The following ME1 variants were observed in gnomAD, a reference collection of about 807,000 sequenced individuals.
ME1 encodes the protein malic enzyme 1, also known as NADP-dependent malic enzyme.
ME1 carries 74 observed loss-of-function variants against 66.4 expected under a neutral mutation model. The observed-to-expected ratio is 1.11, with a 90% CI of 0.92 to 1.35. The LOEUF is 1.35. Among genes scored for constraint, ME1 ranks in the 40% most tolerant of loss-of-function variants. The pLI, the probability that ME1 is intolerant of heterozygous loss-of-function variation, is 0.00. For missense variants in ME1, 750 were observed against 694.1 expected, an observed-to-expected ratio of 1.08 and a Z score of -0.90; for synonymous variants, 251 against 235.6, an observed-to-expected ratio of 1.07 and a Z score of -0.60.
chr6:83,358,728 C>T lies in ME1; in HGVS notation c.363-6589G>A, dbSNP rs113331114. 5.2e-3 allele frequency among the ~76,000 whole-genome samples: 798 copies of T among 152,248 alleles called. 11 individuals carry two copies. The highest frequency in any genetic ancestry group is 0.018 in the African/African-American group (745 of 41,540). On this transcript the variant is annotated intron_variant, in intron 3 of 13. Coordinates refer to ENST00000369705, the MANE Select transcript of ME1 (RefSeq NM_002395.6). ...CTTTTTTCCAGAAGGAACAGCTTCCCCATCTCCAGTAGTGGCAACATCCCC... is the reference window on the plus strand; with the variant it reads ...CTTTTTTCCAGAAGGAACAGCTTCCTCATCTCCAGTAGTGGCAACATCCCC...
Position 83,223,759 on chromosome 6 carries a change from C to A in ME1, c.1449+1G>T. 1.9e-6 allele frequency: 3 copies of A among 1,613,246 alleles called. No individual in the cohort carries two copies. Among genetic ancestry groups the A allele is most frequent in the Non-Finnish European group, 2.5e-6 (3 of 1,179,508 alleles). On this transcript the variant is annotated splice_donor_variant, in intron 12 of 13. Transcript: ENST00000369705. LOFTEE classifies it high-confidence loss of function. ...GGTAAACTTAGAGGATTTTACAATA[C>A]CTCAGCAGTAGTGAGGAAAATATTA...
chr6:83,357,167 C>A (rs1768907028), intron 3 of ME1, among the ~76,000 whole-genome samples: 1 of 152,178 alleles, frequency 6.6e-6, no homozygotes, highest in South Asian at 2.1e-4. Context: ...GGCTTCTTCT[C>A]ATTGTTTACT....
chr6:83,401,863 G>A lies in ME1; in HGVS notation c.213-3347C>T, dbSNP rs544255643. ...GTAATTAGCCAGCTAGCTACCTGGT[G>A]GCAAGTTCATTACACTCAACAGCTT... On this transcript the variant is annotated intron_variant, in intron 2 of 13. Transcript: ENST00000369705. 1.6e-3 allele frequency among the ~76,000 whole-genome samples: 248 copies of A among 152,288 alleles called. 1 individual carries two copies. Among genetic ancestry groups the A allele is most frequent in the African/African-American group, 5.3e-3 (221 of 41,548 alleles).
chr6:83,261,653 G>C (rs765057974), intron 6 of ME1, among the ~76,000 whole-genome samples: 5 of 151,980 alleles, frequency 3.3e-5, no homozygotes, highest in Non-Finnish European at 7.4e-5. Flanking sequence ...TTAAACAGTG[G>C]AAAGATCTGA....
intron 7 of ME1, among the ~76,000 whole-genome samples, chr6:83,243,369 T>C (rs916399244): frequency 2.6e-5 from 3 of 115,154 alleles, no homozygotes; most frequent in African/African-American, 7.3e-5. Flanking sequence ...TAATATATTA[T>C]ATAATAGATT....
At chr6:83,258,602 T>TA (rs1766824154) in intron 6 of ME1, among the ~76,000 whole-genome samples, 1 of 152,234 alleles carries the variant, frequency 6.6e-6, no homozygotes, top group Non-Finnish European at 1.5e-5. Context: ...GTGGCATTGT[T>TA]AAATGTGACA....
chr6:83,285,748 G>C lies in ME1; in HGVS notation c.704+29562C>G, dbSNP rs79588820. Among the ~76,000 whole-genome samples the C allele has an allele frequency of 4.4e-3, 677 of 152,268 alleles. 5 individuals carry two copies. The highest frequency in any genetic ancestry group is 0.015 in the African/African-American group (637 of 41,576). ...AAATAGCAAGATTTGGAATGCCATT[G>C]AATGAAACTTCTATTGAATTCACAC... is the stretch of plus-strand genomic sequence containing the variant. On this transcript the variant is annotated intron_variant, in intron 6 of 13. Transcript: ENST00000369705.
chr6:83,253,694 A>G lies in ME1; in HGVS notation c.749T>C (p.Val250Ala). The stretch of plus-strand genomic sequence containing the variant: ...CTTGTTCAGGAGACGAAATGCATTC[A>G]CATTGGCAAAATCTTCAAACTGAAT... ...CLIQFEDFAN[V>A]NAFRLLNKYR... The change falls in exon 7 of 14, where the codon GTG becomes GCG. Residue 250 changes from valine to alanine, a missense_variant. Val to Ala is a moderately conservative substitution (Grantham distance 64). Coordinates refer to ENST00000369705, the MANE Select transcript of ME1 (RefSeq NM_002395.6). The G allele has an allele frequency of 1.2e-6, 2 of 1,611,170 alleles. No individual in the cohort carries two copies. Among genetic ancestry groups the G allele is most frequent in the East Asian group, 4.5e-5 (2 of 44,740 alleles).
At chr6:83,257,914 T>C (rs1032854946) in intron 6 of ME1, among the ~76,000 whole-genome samples, 1 of 152,154 alleles carries the variant, frequency 6.6e-6, no homozygotes, top group East Asian at 1.9e-4. Flanking sequence ...TCTAGAAGCA[T>C]TGGATGAGCT....
At position 83,376,804 on chromosome 6, in the gene ME1, C is replaced by CAAAAAAAAAAAAAAAA. The variant is rs70987750; in HGVS notation, c.362+21547_362+21562dup. ...GGCGACAGAACCAGACCCTGTCTCA[C>CAAAAAAAAAAAAAAAA]AAAAAAAAAAAAAAAATTCAAAAAA... On this transcript the variant is annotated intron_variant, in intron 3 of 13. Coordinates refer to ENST00000369705, the MANE Select transcript of ME1 (RefSeq NM_002395.6). Among the ~76,000 whole-genome samples, 20 of 87,126 alleles carry CAAAAAAAAAAAAAAAA rather than the reference C, an allele frequency of 2.3e-4. 2 individuals carry two copies. The highest frequency in any genetic ancestry group is 3.5e-4 in the African/African-American group (9 of 25,648). The allele number at this position is 87,126 out of a possible 152,430, so 57.2% of individuals were successfully genotyped here.
Position 83,211,182 on chromosome 6 carries a change from C to A in ME1, c.*742G>T, listed in dbSNP as rs542229438. 6.6e-6 allele frequency: 1 copy of A among 152,228 alleles called. No individual in the cohort carries two copies. The highest frequency in any genetic ancestry group is 1.9e-4 in the East Asian group (1 of 5,196). 9.4% of individuals were successfully genotyped at this position (152,228 alleles called of 1,614,324 possible). ...CCAACCTCGGGACAGGGGCCACAGT[C>A]CACAAAATCCCTGTAGCAACAGTAT... On this transcript the variant is annotated 3_prime_UTR_variant, in exon 14 of 14. Coordinates refer to ENST00000369705, the MANE Select transcript of ME1 (RefSeq NM_002395.6).
chr6:83,399,712 C>T (rs942971725), intron 2 of ME1, among the ~76,000 whole-genome samples: 4 of 152,258 alleles, frequency 2.6e-5, no homozygotes, highest in East Asian at 1.9e-4. Flanking sequence ...TAGAATAAAA[C>T]GTAAACTGCT....
chr6:83,350,272 G>A (rs993277618), intron 4 of ME1, among the ~76,000 whole-genome samples: 1 of 152,274 alleles, frequency 6.6e-6, no homozygotes. Context: ...AAGAACATCA[G>A]TAAGGGCCCA....
At chr6:83,217,910 G>A (rs910321556) in intron 12 of ME1, among the ~76,000 whole-genome samples, 8 of 152,120 alleles carry the variant, frequency 5.3e-5, no homozygotes, top group Admixed American at 5.2e-4. Context: ...CTTCTGACCA[G>A]GGACATTTAG....
At position 83,288,594 on chromosome 6, in the gene ME1, C is replaced by T. The variant is rs1269691659; in HGVS notation, c.704+26716G>A. Among the ~76,000 whole-genome samples, 4 of 152,090 alleles carry T rather than the reference C, an allele frequency of 2.6e-5. No individual in the cohort carries two copies. The East Asian group carries it at 5.8e-4, about 22-fold the overall frequency. On this transcript the variant is annotated intron_variant, in intron 6 of 13. Coordinates refer to ENST00000369705, the MANE Select transcript of ME1 (RefSeq NM_002395.6). ...AGTTTGAAGTCAGGTAGTGTGATGC[C>T]TCCAGCTTTGTTCTTCTTGCCCAGG...
intron 4 of ME1, among the ~76,000 whole-genome samples, chr6:83,346,657 A>G (rs1768692593): frequency 6.6e-6 from 1 of 152,214 alleles, no homozygotes; most frequent in South Asian, 2.1e-4. Context: ...ACTGGGAACC[A>G]AAAGAAACAC....
chr6:83,399,783 G>A lies in ME1; in HGVS notation c.213-1267C>T, dbSNP rs570225538. On this transcript the variant is annotated intron_variant, in intron 2 of 13. Transcript: ENST00000369705. ...ACAATCTTACCAGCCATTTTGAATT[G>A]ATTTTCATTCCCTAGAATAGTTGAA... Among the ~76,000 whole-genome samples, 3 of 152,272 alleles carry A rather than the reference G, an allele frequency of 2.0e-5. No individual in the cohort carries two copies. In the South Asian group the frequency reaches 6.2e-4, roughly 32 times the overall value.
intron 6 of ME1, among the ~76,000 whole-genome samples, chr6:83,277,831 G>C (rs1278107947): frequency 6.6e-6 from 1 of 151,780 alleles, no homozygotes; most frequent in Admixed American, 6.6e-5. Context: ...GAACCTGGGA[G>C]GTAGAGGTTG....
intron 3 of ME1, among the ~76,000 whole-genome samples, chr6:83,389,688 G>T (rs1769581936): frequency 6.6e-6 from 1 of 151,976 alleles, no homozygotes; most frequent in Non-Finnish European, 1.5e-5. Context: ...ACATATACCT[G>T]CATTATCAAT....
Sources: allele counts gnomAD v4.1 joint callset (sites outside exome capture counted in the v4.1 genomes callset), GRCh38; gene constraint gnomAD v4.1.1; transcripts MANE v1.5; gene names NCBI Gene and HGNC (gene_info 2026-07-23, HGNC 2026-07-21).